The following RAB2A variants were observed in gnomAD, a reference collection of about 807,000 sequenced individuals.
RAB2A encodes ras-related protein Rab-2A.
A neutral mutation model predicts 32.5 loss-of-function variants in RAB2A; 7 were observed. The ratio of observed to expected loss-of-function variants is 0.22; its 90% CI spans 0.12 to 0.40. The LOEUF (loss-of-function observed/expected upper bound fraction) is 0.40, where lower values mean the gene tolerates loss of function less well. Ranked by LOEUF, RAB2A falls within the 10% of genes least tolerant of loss-of-function variation. RAB2A has a pLI of 1.00. For missense variants in RAB2A, 108 were observed against 260.7 expected, an observed-to-expected ratio of 0.41 and a Z score of 4.03; for synonymous variants, 79 against 85.2, an observed-to-expected ratio of 0.93 and a Z score of 0.40.
intron 1 of RAB2A, chr8:60,552,519 A>C (rs971985783): frequency 1.3e-5 from 2 of 152,170 alleles, no homozygotes; most frequent in Admixed American, 6.5e-5. Context: ...TGATGGATTC[A>C]TTGTTTTACA....
intron 1 of RAB2A, chr8:60,558,338 A>C (rs1807969160): frequency 2.6e-5 from 12 of 452,958 alleles, no homozygotes; most frequent in South Asian, 1.9e-4. Flanking sequence ...GTCAATTTTA[A>C]TAGAGTGAAG....
chr8:60,527,703 C>T (rs1389999457), intron 1 of RAB2A, among the ~76,000 whole-genome samples: 1 of 152,134 alleles, frequency 6.6e-6, no homozygotes, highest in Non-Finnish European at 1.5e-5. Flanking sequence ...AAAAGACAAC[C>T]CTGCTCATTT....
rs773424620 is a variant in RAB2A, at chr8:60,558,939, G to A, written c.118+16G>A. ...CTTACTATTGGTAAGTTTTATAAAA[G>A]GGATGAGAAGCACTAAAAGTTTTGG... is the stretch of plus-strand genomic sequence containing the variant. On this transcript the variant is annotated intron_variant, in intron 2 of 7. Transcript: ENST00000262646. 19 of 1,584,476 alleles carry A rather than the reference G, an allele frequency of 1.2e-5. No homozygotes were observed. The highest frequency in any genetic ancestry group is 3.4e-5 in the South Asian group (3 of 89,534).
At chr8:60,606,005 C>A (rs1339875034) in intron 6 of RAB2A, among the ~76,000 whole-genome samples, 16 of 151,726 alleles carry the variant, frequency 1.1e-4, no homozygotes, top group Non-Finnish European at 1.9e-4. Flanking sequence ...AAAAATTAGC[C>A]GGGCGTGGTG....
At chr8:60,518,809 C>T (rs1303409782) in intron 1 of RAB2A, among the ~76,000 whole-genome samples, 1 of 151,896 alleles carries the variant, frequency 6.6e-6, no homozygotes, top group East Asian at 1.9e-4. Context: ...TTCATTTAGG[C>T]TGTAAAAACA....
chr8:60,522,523 T>A (rs1000124919), intron 1 of RAB2A, among the ~76,000 whole-genome samples: 4 of 151,784 alleles, frequency 2.6e-5, no homozygotes, highest in South Asian at 2.1e-4. Context: ...CTTTCTTTTT[T>A]AAAAAAAAAT....
At chr8:60,545,357 T>C (rs1807711734) in intron 1 of RAB2A, among the ~76,000 whole-genome samples, 2 of 152,170 alleles carry the variant, frequency 1.3e-5, no homozygotes, top group South Asian at 4.1e-4. Flanking sequence ...CAGGCTGTAG[T>C]GCAGTGGGAC....
intron 1 of RAB2A, among the ~76,000 whole-genome samples, chr8:60,545,502 C>G (rs1807713749): frequency 1.3e-5 from 2 of 152,076 alleles, no homozygotes; most frequent in Admixed American, 6.6e-5. Context: ...GTCACGAACT[C>G]CTGGGCTCAA....
chr8:60,580,040 A>G (rs1803715421), intron 3 of RAB2A, among the ~76,000 whole-genome samples: 2 of 146,438 alleles, frequency 1.4e-5, no homozygotes, highest in East Asian at 2.0e-4. Context: ...TCTGTTGCCC[A>G]GGCTGGAGTG....
At chr8:60,575,496 G>A (rs1157085945) in intron 3 of RAB2A, among the ~76,000 whole-genome samples, 2 of 152,008 alleles carry the variant, frequency 1.3e-5, no homozygotes, top group Admixed American at 6.6e-5. Context: ...TTGGATAGCC[G>A]GTTGCATTTT....
rs1016806103 is a variant in RAB2A, at chr8:60,591,957, C to T, written c.462C>T (p.Ser154=). ...IFMETSAKTA[S]NVEEAFINTA... ...TGGAAACGTCTGCTAAGACTGCTTC[C>T]AATGTAGAAGAGGTAAATAAGAGGC... Residue 154 remains serine (S), a synonymous_variant, in exon 6 of 8, where the codon TCC becomes TCT. Coordinates refer to ENST00000262646, the MANE Select transcript of RAB2A (RefSeq NM_002865.3). 1.6e-5 allele frequency: 26 copies of T among 1,604,870 alleles called. No individual in the cohort carries two copies. Among genetic ancestry groups the T allele is most frequent in the Non-Finnish European group, 2.2e-5 (26 of 1,173,348 alleles).
chr8:60,591,198 T>A (rs1803938552), intron 5 of RAB2A, among the ~76,000 whole-genome samples: 1 of 151,554 alleles, frequency 6.6e-6, no homozygotes, highest in African/African-American at 2.4e-5. Flanking sequence ...TCCCCCCCAC[T>A]AATAAAATTC....
At chr8:60,561,974 C>T (rs1456168366) in intron 2 of RAB2A, among the ~76,000 whole-genome samples, 1 of 152,148 alleles carries the variant, frequency 6.6e-6, no homozygotes, top group African/African-American at 2.4e-5. Flanking sequence ...GCCTCTCTTG[C>T]TTTCTCTCTT....
chr8:60,540,796 A>G (rs1807632760), intron 1 of RAB2A, among the ~76,000 whole-genome samples: 1 of 152,128 alleles, frequency 6.6e-6, no homozygotes. Context: ...TTTTTTATAT[A>G]AGAGTAATGC....
intron 5 of RAB2A, among the ~76,000 whole-genome samples, chr8:60,588,569 ACTC>A (rs1242869156): frequency 6.6e-6 from 1 of 152,152 alleles, no homozygotes; most frequent in African/African-American, 2.4e-5. Context: ...GAGTGAAAAA[ACTC>A]AGACCAAAAA....
intron 5 of RAB2A, among the ~76,000 whole-genome samples, chr8:60,590,663 G>A (rs563632266): frequency 1.7e-4 from 26 of 148,754 alleles, no homozygotes; most frequent in African/African-American, 6.4e-4. Context: ...AAATAACTTT[G>A]CCTTATAGAG....
intron 1 of RAB2A, among the ~76,000 whole-genome samples, chr8:60,550,360 A>T (rs1046634304): frequency 1.3e-5 from 2 of 151,688 alleles, no homozygotes; most frequent in African/African-American, 4.8e-5. Flanking sequence ...TTATTGAGAA[A>T]GCTCCTTACT....
intron 3 of RAB2A, among the ~76,000 whole-genome samples, chr8:60,575,125 G>A (rs1411856211): frequency 1.1e-4 from 15 of 136,764 alleles, no homozygotes; most frequent in South Asian, 2.3e-4. Context: ...TTGAGACAGC[G>A]TCTTACTCTG....
chr8:60,556,962 T>A (rs1057240003), intron 1 of RAB2A, among the ~76,000 whole-genome samples: 7 of 152,200 alleles, frequency 4.6e-5, no homozygotes, highest in East Asian at 1.9e-4. Flanking sequence ...CTTTCACACC[T>A]TTTAAAAGAT....
Sources: gnomAD v4.1 joint callset for allele counts (sites outside exome capture counted in the v4.1 genomes callset) on GRCh38, gnomAD v4.1.1 for gene constraint, MANE v1.5 for transcripts, NCBI Gene and HGNC (gene_info 2026-07-23, HGNC 2026-07-21) for gene names.